Variants in TNIK observed in about 807,000 individuals in gnomAD.
TNIK encodes TRAF2 and NCK interacting kinase.
In TNIK, 49 loss-of-function variants were observed where a neutral mutation model predicts 191.3. The ratio of observed to expected loss-of-function variants is 0.26; its 90% CI spans 0.20 to 0.32. The LOEUF (loss-of-function observed/expected upper bound fraction) is 0.32, where lower values mean the gene tolerates loss of function less well. Ranked by LOEUF, TNIK falls within the 10% of genes least tolerant of loss-of-function variation. TNIK has a pLI of 1.00. For missense variants in TNIK, 1,155 were observed against 1,702.3 expected, an observed-to-expected ratio of 0.68 and a Z score of 5.66; for synonymous variants, 594 against 600.9, an observed-to-expected ratio of 0.99 and a Z score of 0.17.
intron 4 of TNIK, among the ~76,000 whole-genome samples, chr3:171,197,393 AAAAG>A (rs1182280300): frequency 2.6e-5 from 4 of 152,188 alleles, no homozygotes; most frequent in Non-Finnish European, 4.4e-5. Context: ...AAATAAAAAA[AAAAG>A]AAAAAATTAA....
intron 21 of TNIK, 105 bp downstream of exon 21, chr3:171,107,078 C>G: frequency 8.2e-7 from 1 of 1,216,456 alleles, no homozygotes; most frequent in Non-Finnish European, 1.2e-6. Flanking sequence ...CAAATCTCCT[C>G]CCAGCTGATT....
At chr3:171,458,299 T>C (rs1470008145) in intron 1 of TNIK, among the ~76,000 whole-genome samples, 1 of 151,994 alleles carries the variant, frequency 6.6e-6, no homozygotes, top group East Asian at 1.9e-4. Flanking sequence ...GCCACAGACC[T>C]GGCCAATGCA....
Position 171,333,392 on chromosome 3 carries a change from C to T in TNIK, c.123+36228G>A, listed in dbSNP as rs568634790. On this transcript the variant is annotated intron_variant, in intron 2 of 32. Coordinates refer to ENST00000436636, the MANE Select transcript of TNIK (RefSeq NM_015028.4). ...CCAACATGATGAAACCCCGTCTCTA[C>T]TAAAAAGTACAAAAATTAGCCGGAC... Among the ~76,000 whole-genome samples the T allele has an allele frequency of 1.4e-3, 205 of 151,842 alleles. 1 individual carries two copies. Among genetic ancestry groups the T allele is most frequent in the African/African-American group, 4.7e-3 (195 of 41,394 alleles).
At chr3:171,350,122 T>C (rs943030264) in intron 2 of TNIK, among the ~76,000 whole-genome samples, 5 of 152,256 alleles carry the variant, frequency 3.3e-5, no homozygotes, top group Non-Finnish European at 5.9e-5. Context: ...TTAGTTCTTT[T>C]GCCTCTGCCA....
intron 7 of TNIK, among the ~76,000 whole-genome samples, chr3:171,183,453 A>C (rs982540048): frequency 1.3e-5 from 2 of 152,174 alleles, no homozygotes; most frequent in African/African-American, 4.8e-5. Context: ...TATTCTTTTG[A>C]AATGTTCCAG....
At chr3:171,396,127 C>A (rs527608922) in intron 1 of TNIK, among the ~76,000 whole-genome samples, 1 of 152,110 alleles carries the variant, frequency 6.6e-6, no homozygotes, top group Non-Finnish European at 1.5e-5. Context: ...CACTGCCCCC[C>A]CAACCCTAAG....
At chr3:171,167,391 C>T in intron 9 of TNIK, 121 bp from the exon 10 acceptor site, 1 of 1,204,124 alleles carries the variant, frequency 8.3e-7, no homozygotes, top group South Asian at 1.6e-5. Flanking sequence ...GCATAGGGAT[C>T]ATCCACTAAT....
At chr3:171,262,496 G>A (rs1747771730) in intron 2 of TNIK, among the ~76,000 whole-genome samples, 1 of 152,164 alleles carries the variant, frequency 6.6e-6, no homozygotes. Context: ...ATCAATGTCT[G>A]GAAGCAACTT....
At chr3:171,074,634 A>T (rs1719656742) in intron 28 of TNIK, among the ~76,000 whole-genome samples, 1 of 152,256 alleles carries the variant, frequency 6.6e-6, no homozygotes, top group Admixed American at 6.5e-5. Flanking sequence ...AAACTTATCT[A>T]AGCACATATA....
At chr3:171,191,279 ACT>A (rs1216805190) in intron 5 of TNIK, among the ~76,000 whole-genome samples, 1 of 152,156 alleles carries the variant, frequency 6.6e-6, no homozygotes, top group Admixed American at 6.5e-5. Flanking sequence ...ACAGAGCCTT[ACT>A]CTGTCGCCCA....
At chr3:171,301,706 G>A (rs1277544656) in intron 2 of TNIK, among the ~76,000 whole-genome samples, 1 of 152,164 alleles carries the variant, frequency 6.6e-6, no homozygotes, top group Non-Finnish European at 1.5e-5. Context: ...AAGAGAGACA[G>A]AACAACTAAA....
At chr3:171,152,962 G>A (rs948185086) in intron 12 of TNIK, among the ~76,000 whole-genome samples, 22 of 151,830 alleles carry the variant, frequency 1.4e-4, no homozygotes, top group African/African-American at 3.9e-4. Context: ...TAGTAGAGAC[G>A]GGGTTTCACC....
At chr3:171,287,820 C>G (rs1751180783) in intron 2 of TNIK, among the ~76,000 whole-genome samples, 1 of 151,996 alleles carries the variant, frequency 6.6e-6, no homozygotes, top group Non-Finnish European at 1.5e-5. Flanking sequence ...ATGGTAGAAC[C>G]AGGCTAGTCA....
chr3:171,213,785 A>T (rs1343303358), intron 3 of TNIK, among the ~76,000 whole-genome samples: 1 of 152,120 alleles, frequency 6.6e-6, no homozygotes, highest in African/African-American at 2.4e-5. Flanking sequence ...TTTGGGTACC[A>T]TTCCTTTCTG....
At chr3:171,113,517 A>G (rs557699410) in intron 18 of TNIK, among the ~76,000 whole-genome samples, 10 of 152,084 alleles carry the variant, frequency 6.6e-5, no homozygotes, top group Non-Finnish European at 1.5e-4. Context: ...GAGGCAGGAG[A>G]ATGGCGTGAA....
intron 2 of TNIK, among the ~76,000 whole-genome samples, chr3:171,263,728 A>G (rs1172066524): frequency 6.6e-6 from 1 of 152,042 alleles, no homozygotes; most frequent in Non-Finnish European, 1.5e-5. Context: ...AGCCATTATT[A>G]GAAGAAAGCC....
chr3:171,252,368 G>A (rs1474179650), intron 2 of TNIK, among the ~76,000 whole-genome samples: 1 of 152,186 alleles, frequency 6.6e-6, no homozygotes, highest in African/African-American at 2.4e-5. Flanking sequence ...AAAATTAACT[G>A]TGCACTTATA....
intron 30 of TNIK, 95 bp from the exon 31 acceptor site, chr3:171,066,830 AT>A: frequency 7.1e-7 from 1 of 1,412,524 alleles, no homozygotes. Flanking sequence ...GTTTTTGTTT[AT>A]TTTCATTGTC....
At chr3:171,174,443 A>C (rs989661052) in intron 9 of TNIK, among the ~76,000 whole-genome samples, 2 of 152,228 alleles carry the variant, frequency 1.3e-5, no homozygotes, top group Non-Finnish European at 2.9e-5. Context: ...AGAATGTATC[A>C]GGGAGGATAC....
Sources: allele counts gnomAD v4.1 joint callset (sites outside exome capture counted in the v4.1 genomes callset), GRCh38; gene constraint gnomAD v4.1.1; transcripts MANE v1.5; gene names NCBI Gene and HGNC (gene_info 2026-07-23, HGNC 2026-07-21).